The following KIAA1549 variants were observed in gnomAD, a reference collection of about 807,000 sequenced individuals.
KIAA1549 encodes the protein KIAA1549.
A neutral mutation model predicts 156.4 loss-of-function variants in KIAA1549; 70 were observed. The observed-to-expected ratio is 0.45, with a 90% CI of 0.37 to 0.55. The LOEUF (loss-of-function observed/expected upper bound fraction) is 0.55. Among genes scored for constraint, KIAA1549 ranks in the 20% least tolerant of loss-of-function variants. KIAA1549 has a pLI of 0.00. For synonymous variants in KIAA1549, 1,103 were observed against 1,066.4 expected (o/e 1.03, Z -0.67); for missense variants, 2,428 against 2,540.9 (o/e 0.96, Z 0.96).
intron 8 of KIAA1549, among the ~76,000 whole-genome samples, chr7:138,902,677 C>T (rs1393526575): frequency 6.6e-6 from 1 of 151,978 alleles, no homozygotes; most frequent in Non-Finnish European, 1.5e-5. Flanking sequence ...TCTCCGGTGG[C>T]GGGTACCTGT....
intron 8 of KIAA1549, among the ~76,000 whole-genome samples, chr7:138,900,215 T>C (rs537651112): frequency 6.6e-6 from 1 of 152,324 alleles, no homozygotes; most frequent in South Asian, 2.1e-4. Context: ...ACGATTTCAC[T>C]GTGAACTCCT....
At chr7:138,872,601 C>A (rs1563057820) in intron 12 of KIAA1549, among the ~76,000 whole-genome samples, 1 of 152,142 alleles carries the variant, frequency 6.6e-6, no homozygotes, top group South Asian at 2.1e-4. Context: ...GAGCTAGTTA[C>A]TCACACTTAA....
Position 138,917,655 on chromosome 7 carries a change from G to A in KIAA1549, c.1971C>T (p.Pro657=), listed in dbSNP as rs746346371. ...SLSLMPSDLS[P]FTSQSFSPLV... is the part of the protein sequence containing the mutation. ...AGGGAGAAAAAGACTGAGATGTGAAGGGGGACAAGTCACTCGGCATCAGAG... is the reference window on the plus strand; with the variant it reads ...AGGGAGAAAAAGACTGAGATGTGAAAGGGGACAAGTCACTCGGCATCAGAG... Residue 657 remains proline (P), a synonymous_variant, in exon 2 of 20, where the codon CCC becomes CCT. Coordinates refer to ENST00000422774, the MANE Select transcript of KIAA1549 (RefSeq NM_001164665.2). The A allele has an allele frequency of 4.3e-6, 7 of 1,613,098 alleles. No homozygotes were observed. Among genetic ancestry groups the A allele is most frequent in the South Asian group, 3.3e-5 (3 of 90,880 alleles).
chr7:138,933,258 C>T (rs1376954966), intron 1 of KIAA1549, among the ~76,000 whole-genome samples: 3 of 152,122 alleles, frequency 2.0e-5, no homozygotes, highest in African/African-American at 4.8e-5. Context: ...GAAGAATCAC[C>T]GAGGAGCTGG....
At chr7:138,914,054 G>A (rs911749303) in intron 2 of KIAA1549, among the ~76,000 whole-genome samples, 9 of 151,186 alleles carry the variant, frequency 6.0e-5, no homozygotes, top group African/African-American at 1.2e-4. Context: ...GAGGGAGGGA[G>A]GGAGGCAAGA....
At chr7:138,843,973 G>GA (rs1809995542) in intron 18 of KIAA1549, among the ~76,000 whole-genome samples, 1 of 152,156 alleles carries the variant, frequency 6.6e-6, no homozygotes, top group Non-Finnish European at 1.5e-5. Flanking sequence ...GTTACAAGCT[G>GA]AAAAAAGCAC....
chr7:138,924,041 T>C (rs58771569), intron 1 of KIAA1549, among the ~76,000 whole-genome samples: 20,267 of 152,222 alleles, frequency 0.13, 1,414 homozygotes, highest in South Asian at 0.21. Flanking sequence ...TTATACAGCA[T>C]TTGTTGTCTT....
rs1812360347 is a variant in KIAA1549, at chr7:138,917,293, T to A, written c.2333A>T (p.Asp778Val). 1 of 1,613,640 alleles carries A rather than the reference T, an allele frequency of 6.2e-7. No homozygotes were observed. The highest frequency in any genetic ancestry group is 1.7e-5 in the Admixed American group (1 of 59,976). Residue 778 changes from aspartate to valine, a missense_variant, in exon 2 of 20, where the codon GAC becomes GTC. By Grantham distance (152) the Asp-to-Val change is radical (BLOSUM62 -3). Transcript: ENST00000422774. Reference sequence around the variant, plus strand: ...TGCTTGAATCCCGGCAGTCAAAATGTCAAAAGACTCAGAGCCGGGGGGCAC... The same window carrying A: ...TGCTTGAATCCCGGCAGTCAAAATGACAAAAGACTCAGAGCCGGGGGGCAC... ...ALVPPGSESF[D>V]ILTAGIQATS... is the part of the protein sequence containing the mutation.
In KIAA1549 at chr7:138,916,815, T is replaced by C; in HGVS notation, c.2811A>G (p.Thr937=). Residue 937 remains threonine, a synonymous_variant, in exon 2 of 20, where the codon ACA becomes ACG. Transcript: ENST00000422774. The part of the protein sequence containing the change: ...FTLEATVDTP[T]LATAKPPYVC... Reference sequence around the variant, plus strand: ...CATATGGCGGCTTGGCAGTAGCCAGTGTTGGTGTGTCGACTGTTGCTTCGA... The same window carrying C: ...CATATGGCGGCTTGGCAGTAGCCAGCGTTGGTGTGTCGACTGTTGCTTCGA... The C allele has an allele frequency of 6.2e-7, 1 of 1,613,836 alleles. No individual in the cohort carries two copies. The highest frequency in any genetic ancestry group is 8.5e-7 in the Non-Finnish European group (1 of 1,179,848).
intron 1 of KIAA1549, among the ~76,000 whole-genome samples, chr7:138,952,071 C>T (rs1318968755): frequency 2.6e-5 from 4 of 152,280 alleles, no homozygotes; most frequent in Non-Finnish European, 5.9e-5. Flanking sequence ...GTGGACTGCA[C>T]GGGTGAACGC....
At chr7:138,910,700 A>ATTTTTTTTT (rs10686011) in intron 4 of KIAA1549, among the ~76,000 whole-genome samples, 23 of 112,016 alleles carry the variant, frequency 2.1e-4, no homozygotes, top group African/African-American at 3.4e-4. Context: ...ACTTGGTCTA[A>ATTTTTTTTT]TTTTTTTTTT....
chr7:138,918,109 C>T lies in KIAA1549; in HGVS notation c.1517G>A (p.Gly506Asp), dbSNP rs765125056. The change falls in exon 2 of 20, where the codon GGC becomes GAC. Residue 506 changes from glycine (G) to aspartate (D), a missense_variant. Gly to Asp is a moderately conservative substitution (Grantham distance 94). This residue lies in a region of KIAA1549 where 893 missense variants were observed against 847.9 expected (regional missense o/e 1.05). Transcript: ENST00000422774. The surrounding 1 kb of genome is among the most constrained non-coding windows in gnomAD (Gnocchi z 4.2). ...RSMEISETSV[G>D]ISAEVDMSSV... ...ACTCATATCCACCTCGGCAGAAATG[C>T]CAACACTCGTCTCTGAGATTTCCAT... is the stretch of plus-strand genomic sequence containing the variant. 6.2e-6 allele frequency: 10 copies of T among 1,613,762 alleles called. No homozygotes were observed. In the East Asian group the frequency reaches 2.2e-4, roughly 36 times the overall value.
At chr7:138,958,984 C>T (rs1813756587) in intron 1 of KIAA1549, among the ~76,000 whole-genome samples, 1 of 152,056 alleles carries the variant, frequency 6.6e-6, no homozygotes, top group South Asian at 2.1e-4. Context: ...ACTGCAACAT[C>T]CGCCTCCCAG....
chr7:138,888,866 C>A (rs922758207), intron 10 of KIAA1549, among the ~76,000 whole-genome samples: 1 of 152,158 alleles, frequency 6.6e-6, no homozygotes, highest in Non-Finnish European at 1.5e-5. Flanking sequence ...ATCTGTCAAG[C>A]CTTTTTCAGA....
intron 1 of KIAA1549, among the ~76,000 whole-genome samples, chr7:138,965,700 G>C (rs1016577153): frequency 6.6e-6 from 1 of 152,218 alleles, no homozygotes; most frequent in Non-Finnish European, 1.5e-5. Context: ...TGCTTTCTGT[G>C]TATGCGCCTG....
chr7:138,842,826 A>G (rs1809962388), intron 18 of KIAA1549, among the ~76,000 whole-genome samples: 1 of 152,182 alleles, frequency 6.6e-6, no homozygotes, highest in Non-Finnish European at 1.5e-5. Flanking sequence ...TGACCTCTTC[A>G]TCTTAAGTAG....
In KIAA1549 at chr7:138,887,456, G is replaced by C. The variant is rs77645090; in HGVS notation, c.4033-5872C>G. Among the ~76,000 whole-genome samples the C allele has an allele frequency of 7.7e-3, 1,169 of 152,208 alleles. 24 individuals are homozygous for C. Among genetic ancestry groups the C allele is most frequent in the African/African-American group, 0.027 (1,114 of 41,514 alleles). Reference sequence around the variant, plus strand: ...GCAGACACACAGTTTTCTAGGAGCAGGCAGCCCTTTTACAGGGATCATTCC... The same window carrying C: ...GCAGACACACAGTTTTCTAGGAGCACGCAGCCCTTTTACAGGGATCATTCC... On this transcript the variant is annotated intron_variant, in intron 10 of 19. Transcript: ENST00000422774.
chr7:138,922,281 C>T (rs1812586358), intron 1 of KIAA1549, among the ~76,000 whole-genome samples: 1 of 152,200 alleles, frequency 6.6e-6, no homozygotes, highest in Non-Finnish European at 1.5e-5. Context: ...CTGTCAGAAA[C>T]TAACATAAAT....
At chr7:138,926,674 C>A (rs1379845448) in intron 1 of KIAA1549, among the ~76,000 whole-genome samples, 1 of 152,158 alleles carries the variant, frequency 6.6e-6, no homozygotes, top group African/African-American at 2.4e-5. Context: ...CTCCATGTTC[C>A]ATTTATCTTC....
Sources: allele counts gnomAD v4.1 joint callset (sites outside exome capture counted in the v4.1 genomes callset), GRCh38; gene constraint gnomAD v4.1.1; regional missense constraint gnomAD v4.1.1; non-coding constraint Gnocchi (gnomAD v3.1); transcripts MANE v1.5; gene names NCBI Gene and HGNC (gene_info 2026-07-23, HGNC 2026-07-21).